SLC28A2: variants seen among roughly 807,000 people sequenced by gnomAD.
SLC28A2 encodes sodium/nucleoside cotransporter 2.
SLC28A2 carries 69 observed loss-of-function variants against 72.9 expected under a neutral mutation model. The observed-to-expected ratio is 0.95, with a 90% CI of 0.78 to 1.16. The LOEUF is 1.16. Ranked by LOEUF, SLC28A2 falls within the 50% of genes most tolerant of loss-of-function variation. SLC28A2 has a pLI of 0.00. For synonymous variants in SLC28A2, 296 were observed against 294.1 expected (o/e 1.01, Z -0.07); for missense variants, 745 against 791.1 (o/e 0.94, Z 0.70).
Position 45,269,367 on chromosome 15 carries a change from G to A in SLC28A2, c.1398G>A (p.Met466Ile). ...QVICSYLLRPMVFMMGVEWTD... is the reference protein window; with the variant it reads ...QVICSYLLRPIVFMMGVEWTD... ...TCTGCTCCTATCTCCTAAGGCCCAT[G>A]GTTTTCATGATGGGTGTAGAGTGGA... Residue 466 changes from methionine to isoleucine, a missense_variant, in exon 14 of 18, where the codon ATG becomes ATA. Met to Ile is a conservative substitution (Grantham distance 10). Coordinates refer to ENST00000347644, the MANE Select transcript of SLC28A2 (RefSeq NM_004212.4). 1.2e-6 allele frequency: 2 copies of A among 1,613,958 alleles called. No homozygotes were observed. The highest frequency in any genetic ancestry group is 1.7e-6 in the Non-Finnish European group (2 of 1,179,930).
chr15:45,272,612 A>G (rs1189752362), intron 16 of SLC28A2, 61 bp from the exon 17 acceptor site: 1 of 1,030,476 alleles, frequency 9.7e-7, no homozygotes. Context: ...CCAAAAGAAT[A>G]AAGAGCCTTG....
Position 45,253,280 on chromosome 15 carries a change from CGG to C in SLC28A2, c.68_69del (p.Gly23AlafsTer11). ...ACAGTGGAGACTGGCACAGTGAACC[CGG>C]GGCTGGAGCTCATGGTAATCACCAG... On this transcript the variant is annotated frameshift_variant, in exon 2 of 18. Transcript: ENST00000347644. LOFTEE classifies it high-confidence loss of function. 6.2e-7 allele frequency: 1 copy of C among 1,612,200 alleles called. No individual in the cohort carries two copies.
At chr15:45,269,251 T>G in intron 13 of SLC28A2, 87 bp from the exon 14 acceptor site, 1 of 1,042,378 alleles carries the variant, frequency 9.6e-7, no homozygotes, top group South Asian at 1.4e-5. Flanking sequence ...TGGAAGAGAT[T>G]GGGCCAAGGC....
At chr15:45,264,900 T>G in intron 7 of SLC28A2, 132 bp downstream of exon 7, 1 of 729,298 alleles carries the variant, frequency 1.4e-6, no homozygotes, top group Non-Finnish European at 2.4e-6. Flanking sequence ...AAGGAGAGAG[T>G]GTACTAGGAT....
chr15:45,265,039 C>A (rs1900288595), intron 7 of SLC28A2, 50 bp from the exon 8 acceptor site: 1 of 1,403,628 alleles, frequency 7.1e-7, no homozygotes, highest in African/African-American at 1.4e-5. Flanking sequence ...TCCTGTGTGT[C>A]CTTTTGGGTT....
At chr15:45,259,170 T>C (rs183610166) in intron 3 of SLC28A2, among the ~76,000 whole-genome samples, 256 of 152,312 alleles carry the variant, frequency 1.7e-3, no homozygotes, top group African/African-American at 6.1e-3. Context: ...GTACATTTTA[T>C]AAATGATGAA....
At chr15:45,256,752 C>A (rs145088703) in intron 3 of SLC28A2, among the ~76,000 whole-genome samples, 324 of 152,222 alleles carry the variant, frequency 2.1e-3, no homozygotes, top group African/African-American at 7.6e-3. Context: ...TTTTGAACCT[C>A]ATTTCCTTTC....
Position 45,253,428 on chromosome 15 carries a change from G to A in SLC28A2, c.82-4G>A, listed in dbSNP as rs374553967. ...ACTGATCCCAATGCTCTCTGTGCTT[G>A]TAGGAAAAAGAAGTAGAGCCTGAGG... On this transcript the variant is annotated splice_polypyrimidine_tract_variant and splice_region_variant and intron_variant, in intron 2 of 17. Transcript: ENST00000347644. 1.2e-6 allele frequency: 2 copies of A among 1,612,394 alleles called. No individual in the cohort carries two copies. Among genetic ancestry groups the A allele is most frequent in the African/African-American group, 1.3e-5 (1 of 75,016 alleles).
chr15:45,266,769 A>G (rs908425494), intron 10 of SLC28A2, among the ~76,000 whole-genome samples: 5 of 152,194 alleles, frequency 3.3e-5, no homozygotes, highest in Admixed American at 6.5e-5. Context: ...ATACTTTACC[A>G]TAGCACTCCA....
intron 2 of SLC28A2, 56 bp from the exon 3 acceptor site, chr15:45,253,376 C>T (rs1899866105): frequency 3.9e-6 from 6 of 1,550,504 alleles, no homozygotes; most frequent in Non-Finnish European, 5.3e-6. Context: ...TGCTCTCAAT[C>T]CCCATCATCC....
At chr15:45,256,218 A>C (rs1334730257) in intron 3 of SLC28A2, among the ~76,000 whole-genome samples, 2 of 152,106 alleles carry the variant, frequency 1.3e-5, no homozygotes, top group Non-Finnish European at 2.9e-5. Context: ...TTATTTTTTG[A>C]GAAATGAGGT....
At chr15:45,269,157 T>TA (rs763160915) in intron 13 of SLC28A2, among the ~76,000 whole-genome samples, 181 bp from the exon 14 acceptor site, 2 of 151,588 alleles carry the variant, frequency 1.3e-5, no homozygotes, top group Non-Finnish European at 2.9e-5. Context: ...CCCTAAGACT[T>TA]AAAGTATAAT....
chr15:45,270,140 A>G, intron 14 of SLC28A2, 55 bp from the exon 15 acceptor site: 1 of 1,194,912 alleles, frequency 8.4e-7, no homozygotes, highest in Non-Finnish European at 1.2e-6. Context: ...TTGTGATTAT[A>G]AGACCGCACG....
intron 13 of SLC28A2, 47 bp downstream of exon 13, chr15:45,268,425 T>C (rs1352547622): frequency 6.7e-7 from 1 of 1,503,324 alleles, no homozygotes; most frequent in East Asian, 2.3e-5. Context: ...TGTGGTTAGG[T>C]AGCCCTTCAA....
chr15:45,274,582 G>A (rs185197104), intron 17 of SLC28A2, among the ~76,000 whole-genome samples: 2 of 152,294 alleles, frequency 1.3e-5, no homozygotes, highest in East Asian at 1.9e-4. Flanking sequence ...GGTGCTGGCT[G>A]CTTAAAAGGT....
intron 3 of SLC28A2, among the ~76,000 whole-genome samples, chr15:45,254,545 G>A (rs938860016): frequency 2.0e-4 from 30 of 152,130 alleles, no homozygotes; most frequent in African/African-American, 7.0e-4. Context: ...TGGATGTGTC[G>A]TAAGCTATAC....
chr15:45,260,536 C>A (rs935440497), intron 3 of SLC28A2, among the ~76,000 whole-genome samples: 9 of 152,146 alleles, frequency 5.9e-5, no homozygotes, highest in Non-Finnish European at 4.4e-5. Flanking sequence ...GAGGAAGGAT[C>A]ACTTGAGCCC....
chr15:45,263,921 T>C lies in SLC28A2; in HGVS notation c.487T>C (p.Leu163=), dbSNP rs534493046. 39 of 1,613,362 alleles carry C rather than the reference T, an allele frequency of 2.4e-5. No individual in the cohort carries two copies. The highest frequency in any genetic ancestry group is 3.1e-5 in the Non-Finnish European group (37 of 1,179,704). Residue 163 remains leucine, a synonymous_variant, in exon 6 of 18, where the codon TTG becomes CTG. Transcript: ENST00000347644. The part of the protein sequence containing the change: ...GVSLVGLILW[L]ALDTAQRPEQ... ...CTCCTTGGTTGGCCTTATACTGTGG[T>C]TGGCTTTAGACACAGCCCAAAGGCC...
At chr15:45,269,027 G>A (rs1900445513) in intron 13 of SLC28A2, among the ~76,000 whole-genome samples, 1 of 107,108 alleles carries the variant, frequency 9.3e-6, no homozygotes, top group Non-Finnish European at 1.8e-5. Flanking sequence ...TGGGGTGGGG[G>A]GAGGGGGGAG....
Sources: allele counts gnomAD v4.1 joint callset (sites outside exome capture counted in the v4.1 genomes callset), GRCh38; gene constraint gnomAD v4.1.1; transcripts MANE v1.5; gene names NCBI Gene and HGNC (gene_info 2026-07-23, HGNC 2026-07-21).